The following DNAJB14 variants were observed in gnomAD, a reference collection of about 807,000 sequenced individuals.
DNAJB14 encodes the protein dnaJ homolog subfamily B member 14.
DNAJB14 carries 22 observed loss-of-function variants against 48.4 expected under a neutral mutation model. That is an observed-to-expected ratio of 0.45 (90% CI 0.32 to 0.65). The LOEUF is 0.65. Ranked by LOEUF, DNAJB14 falls within the 30% of genes least tolerant of loss-of-function variation. DNAJB14 has a pLI of 0.03. For synonymous variants in DNAJB14, 142 were observed against 158.7 expected, an observed-to-expected ratio of 0.89 and a Z score of 0.79; for missense variants, 319 against 458.8, an observed-to-expected ratio of 0.70 and a Z score of 2.78.
chr4:99,905,767 C>T, intron 5 of DNAJB14, 61 bp from the exon 6 acceptor site: 2 of 1,523,442 alleles, frequency 1.3e-6, no homozygotes, highest in South Asian at 1.1e-5. Context: ...AATAATACAA[C>T]AGTTGTCATA....
At chr4:99,932,851 T>G (rs531129249) in intron 1 of DNAJB14, among the ~76,000 whole-genome samples, 1 of 152,166 alleles carries the variant, frequency 6.6e-6, no homozygotes, top group African/African-American at 2.4e-5. Context: ...CTTGAAAACA[T>G]TATGCTAAGT....
chr4:99,944,048 A>C (rs1303661599), intron 1 of DNAJB14, among the ~76,000 whole-genome samples: 2 of 152,122 alleles, frequency 1.3e-5, no homozygotes, highest in Non-Finnish European at 2.9e-5. Context: ...CAAAAAAAAA[A>C]CAAGTAATGT....
Position 99,900,961 on chromosome 4 carries a change from G to C in DNAJB14, c.*67C>G. On this transcript the variant is annotated 3_prime_UTR_variant, in exon 8 of 8. Transcript: ENST00000442697. Reference sequence around the variant, plus strand: ...TCAAATCTTTTCCTTCATCCCTCATGATGAAACCAAACTTACTTACAGAAA... The same window carrying C: ...TCAAATCTTTTCCTTCATCCCTCATCATGAAACCAAACTTACTTACAGAAA... 2 of 1,528,342 alleles carry C rather than the reference G, an allele frequency of 1.3e-6. No homozygotes were observed. The highest frequency in any genetic ancestry group is 1.8e-6 in the Non-Finnish European group (2 of 1,137,570). The allele number at this position is 1,528,342 out of a possible 1,614,324, so 94.7% of individuals were successfully genotyped here. A position where few individuals can be genotyped will look rare whatever the true frequency, so the allele number is the denominator to read the frequency against.
intron 3 of DNAJB14, among the ~76,000 whole-genome samples, chr4:99,917,867 A>T (rs1228422698): frequency 6.6e-6 from 1 of 151,948 alleles, no homozygotes; most frequent in African/African-American, 2.4e-5. Context: ...TTTTCCCCCT[A>T]TAGGTAAGGC....
chr4:99,942,367 T>C (rs1042421648), intron 1 of DNAJB14: 10 of 151,986 alleles, frequency 6.6e-5, no homozygotes, highest in African/African-American at 2.2e-4. Flanking sequence ...CCAATTATTA[T>C]GAAATTGCAA....
Position 99,922,994 on chromosome 4 carries a change from A to T in DNAJB14, c.451+46T>A, listed in dbSNP as rs544938785. The T allele has an allele frequency of 1.4e-5, 21 of 1,542,668 alleles. 1 individual carries two copies. In the African/African-American group the frequency reaches 2.8e-4, roughly 20 times the overall value. On this transcript the variant is annotated intron_variant, in intron 3 of 7. Coordinates refer to ENST00000442697, the MANE Select transcript of DNAJB14 (RefSeq NM_001031723.4). Reference sequence around the variant, plus strand: ...AATATTCTGAAACGCCGTAAAGTGAATTCTAAAGACAGCTTAGTAAAATTG... The same window carrying T: ...AATATTCTGAAACGCCGTAAAGTGATTTCTAAAGACAGCTTAGTAAAATTG...
intron 2 of DNAJB14, chr4:99,926,788 T>A (rs902011181): frequency 6.6e-6 from 1 of 151,840 alleles, no homozygotes. Flanking sequence ...TTTCACTAAC[T>A]CTTAGCTGTA....
At chr4:99,907,688 T>C (rs950249478) in intron 4 of DNAJB14, among the ~76,000 whole-genome samples, 1 of 151,838 alleles carries the variant, frequency 6.6e-6, no homozygotes, top group African/African-American at 2.4e-5. Context: ...TATTAAAAAA[T>C]AGAAAGAAAT....
chr4:99,930,352 T>C (rs565782341), intron 2 of DNAJB14, 98 bp downstream of exon 2: 119 of 1,253,994 alleles, frequency 9.5e-5, no homozygotes, highest in Non-Finnish European at 1.2e-4. Context: ...TTGATGTCTA[T>C]TCTTCTAATG....
chr4:99,946,339 G>A (rs1012482636), intron 1 of DNAJB14, 100 bp downstream of exon 1: 6 of 1,517,616 alleles, frequency 4.0e-6, no homozygotes, highest in Non-Finnish European at 5.3e-6. Flanking sequence ...GACAGGCCGG[G>A]GGCCCCGCAG....
intron 6 of DNAJB14, among the ~76,000 whole-genome samples, chr4:99,905,004 AT>A (rs1184883345): frequency 2.0e-5 from 3 of 151,864 alleles, no homozygotes; most frequent in Admixed American, 6.6e-5. Flanking sequence ...GATTTTTATT[AT>A]TTTTTCTTTA....
At chr4:99,945,078 T>C (rs971931289) in intron 1 of DNAJB14, among the ~76,000 whole-genome samples, 2 of 152,184 alleles carry the variant, frequency 1.3e-5, no homozygotes, top group Non-Finnish European at 2.9e-5. Context: ...GGTAGGGAGC[T>C]GTCTGATTAG....
intron 7 of DNAJB14, among the ~76,000 whole-genome samples, chr4:99,902,782 A>G (rs1725337735): frequency 6.6e-6 from 1 of 152,146 alleles, no homozygotes; most frequent in South Asian, 2.1e-4. Flanking sequence ...TTCAATCACA[A>G]ACGACCTCTA....
chr4:99,899,863 A>G lies in DNAJB14; in HGVS notation c.*1165T>C, dbSNP rs978234612. On this transcript the variant is annotated 3_prime_UTR_variant, in exon 8 of 8. Coordinates refer to ENST00000442697, the MANE Select transcript of DNAJB14 (RefSeq NM_001031723.4). The stretch of plus-strand genomic sequence containing the variant: ...CAAGGAGCTTATTCCTATGGGATTA[A>G]TTCAATTACTCAATGGTAAATAGAT... 1.3e-5 allele frequency: 2 copies of G among 152,096 alleles called. No homozygotes were observed. The highest frequency in any genetic ancestry group is 2.9e-5 in the Non-Finnish European group (2 of 67,814). 9.4% of individuals were successfully genotyped at this position (152,096 alleles called of 1,614,324 possible). A position where few individuals can be genotyped will look rare whatever the true frequency, so the allele number is the denominator to read the frequency against.
chr4:99,923,224 G>T, intron 2 of DNAJB14, 39 bp from the exon 3 acceptor site: 1 of 1,547,878 alleles, frequency 6.5e-7, no homozygotes, highest in Non-Finnish European at 8.8e-7. Context: ...AAATTTCAAG[G>T]AAGACGGTCA....
chr4:99,903,868 T>G lies in DNAJB14; in HGVS notation c.873A>C (p.Thr291=). 1 of 1,612,444 alleles carries G rather than the reference T, an allele frequency of 6.2e-7. No individual in the cohort carries two copies. Among genetic ancestry groups the G allele is most frequent in the African/African-American group, 1.3e-5 (1 of 74,916 alleles). The change falls in exon 7 of 8, where the codon ACA becomes ACC. Residue 291 remains threonine, a synonymous_variant. Transcript: ENST00000442697. The part of the protein sequence containing the change: ...SGTGQTIKMQ[T]ENLGVVYYVN... ...CATAATAAACAACACCCAAGTTTTCTGTTTGCATTTTAATAGTTTGCCCAG... is the reference window on the plus strand; with the variant it reads ...CATAATAAACAACACCCAAGTTTTCGGTTTGCATTTTAATAGTTTGCCCAG...
intron 3 of DNAJB14, among the ~76,000 whole-genome samples, chr4:99,912,282 A>G (rs2110199274): frequency 6.6e-6 from 1 of 152,332 alleles, no homozygotes; most frequent in Admixed American, 6.5e-5. Context: ...CTGTTTATCT[A>G]TACAGTAAAT....
intron 1 of DNAJB14, among the ~76,000 whole-genome samples, chr4:99,939,171 G>A (rs550221243): frequency 5.3e-5 from 8 of 152,294 alleles, no homozygotes; most frequent in African/African-American, 1.9e-4. Context: ...AGACCAGCCT[G>A]GCCAACATGG....
intron 3 of DNAJB14, 104 bp downstream of exon 3, chr4:99,922,936 G>T: frequency 8.1e-7 from 1 of 1,233,998 alleles, no homozygotes; most frequent in Non-Finnish European, 1.1e-6. Flanking sequence ...GCTTGTGCTG[G>T]TCTCTAAATG....
Sources: allele counts gnomAD v4.1 joint callset (sites outside exome capture counted in the v4.1 genomes callset), GRCh38; gene constraint gnomAD v4.1.1; transcripts MANE v1.5; gene names NCBI Gene and HGNC (gene_info 2026-07-23, HGNC 2026-07-21).